TBCD: variants seen among roughly 807,000 people sequenced by gnomAD.
TBCD encodes the protein tubulin folding cofactor D.
Under a neutral mutation model 169.3 loss-of-function variants are expected in TBCD, and 105 were observed. The ratio of observed to expected loss-of-function variants is 0.62; its 90% CI spans 0.53 to 0.73. The LOEUF (loss-of-function observed/expected upper bound fraction) is 0.73. Among genes scored for constraint, TBCD ranks in the 30% least tolerant of loss-of-function variants. The pLI, the probability that TBCD is intolerant of heterozygous loss-of-function variation, is 0.00. For missense variants in TBCD, 1,444 were observed against 1,600.1 expected, an observed-to-expected ratio of 0.90 and a Z score of 1.66; for synonymous variants, 700 against 643.9, an observed-to-expected ratio of 1.09 and a Z score of -1.32.
chr17:82,848,351 C>T (rs2055333621), intron 13 of TBCD, among the ~76,000 whole-genome samples: 1 of 88,570 alleles, frequency 1.1e-5, no homozygotes, highest in South Asian at 4.8e-4. Flanking sequence ...GAGAGGGAAA[C>T]TTGAAACCCT....
At chr17:82,803,869 G>A (rs1173665127) in intron 9 of TBCD, among the ~76,000 whole-genome samples, 4 of 150,566 alleles carry the variant, frequency 2.7e-5, no homozygotes, top group Non-Finnish European at 4.4e-5. Context: ...TGGGGCGTTA[G>A]GGGAGACTGG....
chr17:82,824,722 G>A (rs2052693681), intron 13 of TBCD, among the ~76,000 whole-genome samples: 1 of 152,148 alleles, frequency 6.6e-6, no homozygotes, highest in Non-Finnish European at 1.5e-5. Flanking sequence ...TGGGTATTGT[G>A]AATAATGCTG....
At chr17:82,883,092 C>A (rs2058480414) in intron 14 of TBCD, among the ~76,000 whole-genome samples, 1 of 152,252 alleles carries the variant, frequency 6.6e-6, no homozygotes, top group African/African-American at 2.4e-5. Context: ...AGGACGCACA[C>A]CTGGCGTCAC....
At chr17:82,935,233 G>A (rs1000468567) in intron 34 of TBCD, among the ~76,000 whole-genome samples, 1 of 152,134 alleles carries the variant, frequency 6.6e-6, no homozygotes, top group African/African-American at 2.4e-5. Flanking sequence ...TTTCTAGGAT[G>A]CTTTTTGCTC....
intron 14 of TBCD, among the ~76,000 whole-genome samples, chr17:82,877,543 T>C (rs1473367052): frequency 3.3e-5 from 5 of 152,136 alleles, no homozygotes; most frequent in African/African-American, 1.2e-4. Flanking sequence ...GGTTTCACTG[T>C]GTTGGCCAGG....
chr17:82,867,892 C>T (rs56079240), intron 13 of TBCD, among the ~76,000 whole-genome samples: 1,574 of 152,282 alleles, frequency 0.01, 20 homozygotes, highest in African/African-American at 0.035. Context: ...ATGGTGCTGC[C>T]GGCTCTGACC....
intron 7 of TBCD, among the ~76,000 whole-genome samples, chr17:82,783,514 C>T (rs534957028): frequency 6.6e-5 from 10 of 152,342 alleles, no homozygotes; most frequent in South Asian, 4.1e-4. Context: ...GTCCGTCCCT[C>T]ACCTTCCCCA....
intron 7 of TBCD, among the ~76,000 whole-genome samples, chr17:82,790,296 A>G (rs1025118961): frequency 2.5e-4 from 38 of 152,002 alleles, no homozygotes; most frequent in African/African-American, 8.7e-4. Flanking sequence ...ACTCTGTCCC[A>G]TGCTGCCTCT....
chr17:82,858,826 C>A (rs757179491), intron 13 of TBCD, among the ~76,000 whole-genome samples: 1 of 152,188 alleles, frequency 6.6e-6, no homozygotes, highest in Non-Finnish European at 1.5e-5. Context: ...GAGGAGGGTG[C>A]GGCTCGTGGG....
At chr17:82,755,801 A>G (rs894986277) in intron 1 of TBCD, among the ~76,000 whole-genome samples, 7 of 152,204 alleles carry the variant, frequency 4.6e-5, no homozygotes, top group African/African-American at 1.4e-4. Context: ...TGTGTCTCAC[A>G]AGGACAGAGT....
At chr17:82,926,668 A>C (rs761787131) in intron 28 of TBCD, among the ~76,000 whole-genome samples, 177 bp downstream of exon 28, 1 of 152,202 alleles carries the variant, frequency 6.6e-6, no homozygotes, top group Admixed American at 6.5e-5. Context: ...TCTTGCTGTC[A>C]TAGTCGTAGT....
In TBCD at chr17:82,874,260, G is replaced by A. The variant is rs1160948777; in HGVS notation, c.1475+3880G>A. On this transcript the variant is annotated intron_variant, in intron 14 of 38. Transcript: ENST00000355528. The surrounding 1 kb of genome is among the most constrained non-coding windows in gnomAD (Gnocchi z 5.0). The stretch of plus-strand genomic sequence containing the variant: ...TCTCAGGCCTGAAGGACTGTAGGAC[G>A]CACTGTGGGCTGCAGGCTTGAAGAA... 6.6e-6 allele frequency among the ~76,000 whole-genome samples: 1 copy of A among 152,202 alleles called. No individual in the cohort carries two copies. The highest frequency in any genetic ancestry group is 1.9e-4 in the East Asian group (1 of 5,188).
At chr17:82,859,744 G>C in intron 13 of TBCD, 2 of 985,458 alleles carry the variant, frequency 2.0e-6, no homozygotes, top group Non-Finnish European at 2.4e-6. Flanking sequence ...CACAGTGGGG[G>C]CTGCTGCCCA....
At chr17:82,837,693 C>T (rs1240414182) in intron 13 of TBCD, among the ~76,000 whole-genome samples, 1 of 152,134 alleles carries the variant, frequency 6.6e-6, no homozygotes, top group East Asian at 1.9e-4. Flanking sequence ...CGGCAGGAAG[C>T]GTTAGCAGGG....
intron 19 of TBCD, among the ~76,000 whole-genome samples, chr17:82,905,482 C>T (rs1046744286): frequency 7.6e-5 from 11 of 145,278 alleles, no homozygotes; most frequent in African/African-American, 1.8e-4. Context: ...ACAGGTCGTC[C>T]GTGTGTGCAC....
rs781707574 is a variant in TBCD at position 82,835,797 on chromosome 17, TC to T, written c.1318+20864del. On this transcript the variant is annotated intron_variant, in intron 13 of 38. Transcript: ENST00000355528. The surrounding 1 kb of genome is among the most constrained non-coding windows in gnomAD (Gnocchi z 4.5). ...CTGCCTCTATTAACATACTTTAAGT[TC>T]TTTAAGACATTTATTTACTAAGAAG... is the stretch of plus-strand genomic sequence containing the variant. Among the ~76,000 whole-genome samples, 4 of 152,142 alleles carry T rather than the reference TC, an allele frequency of 2.6e-5. No homozygotes were observed. The highest frequency in any genetic ancestry group is 5.9e-5 in the Non-Finnish European group (4 of 68,008).
Position 82,781,683 on chromosome 17 carries a change from C to T in TBCD, c.733C>T (p.Gln245Ter), listed in dbSNP as rs2144294140. 3 of 1,613,822 alleles carry T rather than the reference C, an allele frequency of 1.9e-6. No homozygotes were observed. The highest frequency in any genetic ancestry group is 1.7e-6 in the Non-Finnish European group (2 of 1,179,878). Residue 245 changes from glutamine (Q) to a stop codon, truncating the protein, a stop_gained, in exon 7 of 39, where the codon CAG (glutamine) becomes TAG (stop). Transcript: ENST00000355528. LOFTEE classifies it high-confidence loss of function. ...GGCCCGTTCCTCCTTCCAGACCATGCAGGGGGTCATCACCATGGATGGGAC... is the reference window on the plus strand; with the variant it reads ...GGCCCGTTCCTCCTTCCAGACCATGTAGGGGGTCATCACCATGGATGGGAC... ...NLARSSFQTMQGVITMDGTLQ... is the reference protein window; with the variant it reads ...NLARSSFQTM
chr17:82,835,737 A>G lies in TBCD; in HGVS notation c.1318+20803A>G, dbSNP rs2053914102. 6.6e-6 allele frequency among the ~76,000 whole-genome samples: 1 copy of G among 152,114 alleles called. No individual in the cohort carries two copies. Among genetic ancestry groups the G allele is most frequent in the Admixed American group, 6.6e-5 (1 of 15,266 alleles). Reference sequence around the variant, plus strand: ...ACCGTGCCTGGCTCATTTATTTATAATTCTTAAAAACACAACCACCCTTCC... The same window carrying G: ...ACCGTGCCTGGCTCATTTATTTATAGTTCTTAAAAACACAACCACCCTTCC... On this transcript the variant is annotated intron_variant, in intron 13 of 38. Transcript: ENST00000355528. This position sits in a 1 kb window ranked among gnomAD's most constrained non-coding sequence, Gnocchi z 4.5.
In TBCD at chr17:82,858,967, C is replaced by T. The variant is rs115058031; in HGVS notation, c.1319-11257C>T. ...CTCTGTGGGGCTGGGGGTCTTGGGCCGTGAGGCCGGGGCCAGGCTGCGTGG... is the reference window on the plus strand; with the variant it reads ...CTCTGTGGGGCTGGGGGTCTTGGGCTGTGAGGCCGGGGCCAGGCTGCGTGG... On this transcript the variant is annotated intron_variant, in intron 13 of 38. Coordinates refer to ENST00000355528, the MANE Select transcript of TBCD (RefSeq NM_005993.5). 6.7e-3 allele frequency among the ~76,000 whole-genome samples: 1,018 copies of T among 152,342 alleles called. 11 individuals carry two copies. The highest frequency in any genetic ancestry group is 0.023 in the African/African-American group (957 of 41,580).
Sources: allele counts gnomAD v4.1 joint callset (sites outside exome capture counted in the v4.1 genomes callset), GRCh38; gene constraint gnomAD v4.1.1; non-coding constraint Gnocchi (gnomAD v3.1); transcripts MANE v1.5; gene names NCBI Gene and HGNC (gene_info 2026-07-23, HGNC 2026-07-21).